METTL24: variants seen among roughly 807,000 people sequenced by gnomAD.
METTL24 encodes probable methyltransferase-like protein 24.
A neutral mutation model predicts 32.7 loss-of-function variants in METTL24; 29 were observed. The observed-to-expected ratio is 0.89, with a 90% CI of 0.66 to 1.21. METTL24 has a LOEUF of 1.21. Among genes scored for constraint, METTL24 ranks in the 50% most tolerant of loss-of-function variants. METTL24 has a pLI of 0.00. For missense variants in METTL24, 439 were observed against 468.1 expected (o/e 0.94, Z 0.57); for synonymous variants, 163 against 179.5 (o/e 0.91, Z 0.73).
chr6:110,291,783 C>T (rs1182504221), intron 4 of METTL24, among the ~76,000 whole-genome samples: 1 of 152,114 alleles, frequency 6.6e-6, no homozygotes, highest in Non-Finnish European at 1.5e-5. Context: ...TTAAAAGTGA[C>T]AACATGCAGT....
At chr6:110,320,424 A>T (rs1169181355) in intron 2 of METTL24, among the ~76,000 whole-genome samples, 1 of 152,168 alleles carries the variant, frequency 6.6e-6, no homozygotes, top group African/African-American at 2.4e-5. Context: ...ATTGGTTAGT[A>T]AAAGATTCTG....
chr6:110,350,194 G>C (rs1362510165), intron 1 of METTL24, among the ~76,000 whole-genome samples: 1 of 152,206 alleles, frequency 6.6e-6, no homozygotes, highest in African/African-American at 2.4e-5. Context: ...ATATTCAAAG[G>C]TGTGACCAAA....
chr6:110,321,183 G>A (rs1771924552), intron 2 of METTL24, among the ~76,000 whole-genome samples: 1 of 152,150 alleles, frequency 6.6e-6, no homozygotes, highest in Admixed American at 6.6e-5. Flanking sequence ...GTTGTAGTGA[G>A]CTGAGATTGT....
At chr6:110,296,818 C>T (rs926330153) in intron 4 of METTL24, among the ~76,000 whole-genome samples, 2 of 152,124 alleles carry the variant, frequency 1.3e-5, no homozygotes, top group African/African-American at 2.4e-5. Context: ...TATTTGCTTC[C>T]CCTGCCGCAG....
chr6:110,299,241 T>C (rs1771478957), intron 3 of METTL24, 91 bp from the exon 4 acceptor site: 2 of 1,124,308 alleles, frequency 1.8e-6, no homozygotes, highest in Admixed American at 3.6e-5. Context: ...GCCAAGGTTC[T>C]TAGTTATATC....
At chr6:110,343,295 C>T (rs1772398944) in intron 1 of METTL24, among the ~76,000 whole-genome samples, 1 of 152,220 alleles carries the variant, frequency 6.6e-6, no homozygotes, top group Admixed American at 6.5e-5. Flanking sequence ...TGTACCATAA[C>T]ACAGCAGTAG....
intron 3 of METTL24, among the ~76,000 whole-genome samples, chr6:110,306,609 T>G (rs1184348991): frequency 1.3e-5 from 2 of 152,180 alleles, no homozygotes; most frequent in African/African-American, 4.8e-5. Flanking sequence ...TACTATAATC[T>G]TAATATATAA....
intron 4 of METTL24, among the ~76,000 whole-genome samples, chr6:110,284,767 C>A (rs1771191814): frequency 6.6e-6 from 1 of 152,074 alleles, no homozygotes. Flanking sequence ...TCTTATTTCT[C>A]TTCCGCTACT....
At chr6:110,305,044 A>G (rs1160724672) in intron 3 of METTL24, among the ~76,000 whole-genome samples, 1 of 152,220 alleles carries the variant, frequency 6.6e-6, no homozygotes, top group Non-Finnish European at 1.5e-5. Context: ...CCAGAATTTC[A>G]TGTCCAGCCA....
At chr6:110,277,268 A>C (rs1310757044) in intron 4 of METTL24, among the ~76,000 whole-genome samples, 1 of 152,166 alleles carries the variant, frequency 6.6e-6, no homozygotes, top group Non-Finnish European at 1.5e-5. Flanking sequence ...CTTTCCTCTT[A>C]TAGCCATACA....
intron 1 of METTL24, among the ~76,000 whole-genome samples, chr6:110,323,205 T>C (rs534248472): frequency 1.3e-5 from 2 of 152,358 alleles, no homozygotes; most frequent in South Asian, 2.1e-4. Context: ...TTATTTTATA[T>C]GAGGCTGTGC....
chr6:110,295,012 TC>T lies in METTL24; in HGVS notation c.786+3909del, dbSNP rs1240695879. Among the ~76,000 whole-genome samples the T allele has an allele frequency of 6.2e-4, 88 of 141,166 alleles. 2 individuals are homozygous for T. Among genetic ancestry groups the T allele is most frequent in the African/African-American group, 2.2e-3 (76 of 34,940 alleles). 92.6% of individuals were successfully genotyped at this position (141,166 alleles called of 152,430 possible). On this transcript the variant is annotated intron_variant, in intron 4 of 4. Transcript: ENST00000338882. ...AATTGCTTTTCTTTTTTTCTTTCTT[TC>T]TTTTTTTTTTTTTTTTTTTTTTTTT...
At chr6:110,323,405 C>T (rs180974500) in intron 1 of METTL24, among the ~76,000 whole-genome samples, 66 of 152,246 alleles carry the variant, frequency 4.3e-4, no homozygotes, top group African/African-American at 1.1e-3. Context: ...ACAGGCAGAG[C>T]GAGGACCCCA....
In METTL24 at chr6:110,272,308, G is replaced by A. The variant is rs181698594; in HGVS notation, c.787-26048C>T. 1.7e-3 allele frequency among the ~76,000 whole-genome samples: 264 copies of A among 152,144 alleles called. 1 individual carries two copies. Among genetic ancestry groups the A allele is most frequent in the African/African-American group, 5.2e-3 (216 of 41,490 alleles). On this transcript the variant is annotated intron_variant, in intron 4 of 4. Transcript: ENST00000338882. ...GTTGCAAAGGCTATTATTTCATTCCGTTTTATGGCTGAGTAGTATTCCATG... is the reference window on the plus strand; with the variant it reads ...GTTGCAAAGGCTATTATTTCATTCCATTTTATGGCTGAGTAGTATTCCATG...
At chr6:110,257,531 C>T (rs1263192877) in intron 4 of METTL24, among the ~76,000 whole-genome samples, 2 of 152,224 alleles carry the variant, frequency 1.3e-5, no homozygotes, top group Non-Finnish European at 2.9e-5. Context: ...CAAAGTTCTA[C>T]TGGACTGTGC....
chr6:110,330,341 C>T (rs1439879256), intron 1 of METTL24, among the ~76,000 whole-genome samples: 1 of 152,176 alleles, frequency 6.6e-6, no homozygotes, highest in Non-Finnish European at 1.5e-5. Flanking sequence ...TCTCTTCCCG[C>T]AGCTTGGCCT....
At position 110,358,016 on chromosome 6, in the gene METTL24, C is replaced by T. The variant is rs927033824; in HGVS notation, c.257G>A (p.Gly86Asp). 11 of 1,146,392 alleles carry T rather than the reference C, an allele frequency of 9.6e-6. No individual in the cohort carries two copies. Among genetic ancestry groups the T allele is most frequent in the Non-Finnish European group, 1.2e-5 (11 of 933,626 alleles). 71.0% of individuals were successfully genotyped at this position (1,146,392 alleles called of 1,614,324 possible). The change falls in exon 1 of 5, where the codon GGC (glycine) becomes GAC (aspartate). Residue 86 changes from glycine to aspartate, a missense_variant. Physicochemically the swap from Gly to Asp is moderately conservative, Grantham distance 94 (BLOSUM62 -1). Transcript: ENST00000338882. ...AGGCTCCGGCGTCCCGCTCCCGCCG[C>T]CCCCCGGCGGCGCCCGGCGACCGCT... Reference protein sequence around the residue: ...VRSGRRAPPGGGGSGTPEPGC... With the variant: ...VRSGRRAPPGDGGSGTPEPGC...
intron 1 of METTL24, among the ~76,000 whole-genome samples, chr6:110,347,762 A>T (rs559824699): frequency 6.6e-6 from 1 of 152,222 alleles, no homozygotes; most frequent in East Asian, 1.9e-4. Context: ...ATTGAACAGC[A>T]TGTTGTAAAA....
intron 3 of METTL24, among the ~76,000 whole-genome samples, chr6:110,313,743 A>G (rs1771766328): frequency 6.6e-6 from 1 of 152,182 alleles, no homozygotes; most frequent in Non-Finnish European, 1.5e-5. Flanking sequence ...GCTTCCAGAA[A>G]GAGAGCTCTG....
Sources: allele counts gnomAD v4.1 joint callset (sites outside exome capture counted in the v4.1 genomes callset), GRCh38; gene constraint gnomAD v4.1.1; transcripts MANE v1.5; gene names NCBI Gene and HGNC (gene_info 2026-07-23, HGNC 2026-07-21).